Variants in GALNTL6 observed in about 807,000 individuals in gnomAD.
GALNTL6 encodes the protein polypeptide N-acetylgalactosaminyltransferase-like 6.
A neutral mutation model predicts 73.7 loss-of-function variants in GALNTL6; 46 were observed. The ratio of observed to expected loss-of-function variants is 0.62; its 90% confidence interval spans 0.49 to 0.80. The LOEUF is 0.80. Ranked by LOEUF, GALNTL6 falls within the 30% of genes least tolerant of loss-of-function variation. The pLI is 0.00. For synonymous variants in GALNTL6, 259 were observed against 263.7 expected, an observed-to-expected ratio of 0.98 and a Z score of 0.17; for missense variants, 604 against 755.0, an observed-to-expected ratio of 0.80 and a Z score of 2.34.
At chr4:172,780,235 T>C (rs1202548799) in intron 5 of GALNTL6, among the ~76,000 whole-genome samples, 2 of 152,196 alleles carry the variant, frequency 1.3e-5, no homozygotes, top group East Asian at 1.9e-4. Context: ...TATTCATTCT[T>C]AGAGGTTGTC....
intron 5 of GALNTL6, among the ~76,000 whole-genome samples, chr4:172,665,088 G>C (rs1157807206): frequency 6.6e-6 from 1 of 152,090 alleles, no homozygotes; most frequent in Admixed American, 6.5e-5. Flanking sequence ...CACCAACTAA[G>C]CTCTCATCCC....
chr4:172,185,655 T>C (rs2110865831), intron 2 of GALNTL6, among the ~76,000 whole-genome samples: 1 of 152,330 alleles, frequency 6.6e-6, no homozygotes, highest in South Asian at 2.1e-4. Context: ...GCCTTTTTAG[T>C]AAATATTAAA....
Position 172,871,943 on chromosome 4 carries a change from G to A in GALNTL6, c.924-10847G>A, listed in dbSNP as rs1039476365. ...CGATTAGCTGGGATTACAGGCATGC[G>A]CCACCATGCCCGGCTAATATTGTAT... On this transcript the variant is annotated intron_variant, in intron 7 of 12. Transcript: ENST00000506823. Among the ~76,000 whole-genome samples the A allele has an allele frequency of 4.6e-5, 7 of 151,966 alleles. No individual in the cohort carries two copies. The East Asian group carries it at 1.2e-3, about 25-fold the overall frequency.
intron 5 of GALNTL6, among the ~76,000 whole-genome samples, chr4:172,375,248 C>T (rs552744960): frequency 1.4e-4 from 21 of 152,156 alleles, no homozygotes; most frequent in Non-Finnish European, 2.4e-4. Context: ...CTCTATTTGC[C>T]TTCCCTCTTA....
chr4:172,193,724 G>A (rs533065731), intron 2 of GALNTL6, among the ~76,000 whole-genome samples: 47 of 152,188 alleles, frequency 3.1e-4, no homozygotes, highest in South Asian at 2.1e-4. Context: ...TTAGCTGGGC[G>A]TGGTGGCAGG....
chr4:172,239,169 A>G (rs770349384), intron 3 of GALNTL6, among the ~76,000 whole-genome samples: 14 of 152,164 alleles, frequency 9.2e-5, no homozygotes, highest in African/African-American at 2.7e-4. Context: ...AGTTTTAGTA[A>G]GAATGGTACC....
At chr4:172,090,144 G>A (rs552375333) in intron 2 of GALNTL6, among the ~76,000 whole-genome samples, 10 of 152,094 alleles carry the variant, frequency 6.6e-5, no homozygotes, top group South Asian at 2.1e-4. Flanking sequence ...TATTGTGAAC[G>A]GTGCCACAAT....
chr4:172,974,823 C>T (rs1750734679), intron 10 of GALNTL6, among the ~76,000 whole-genome samples: 1 of 152,224 alleles, frequency 6.6e-6, no homozygotes. Context: ...CAGCTCCAGG[C>T]ACCGGCACGG....
chr4:172,338,530 T>C (rs1741428412), intron 4 of GALNTL6, among the ~76,000 whole-genome samples: 1 of 152,116 alleles, frequency 6.6e-6, no homozygotes, highest in Non-Finnish European at 1.5e-5. Context: ...GTCTTTTGGC[T>C]TTGTTTCTTC....
chr4:172,250,610 C>T (rs937782839), intron 3 of GALNTL6, among the ~76,000 whole-genome samples: 4 of 152,130 alleles, frequency 2.6e-5, no homozygotes, highest in African/African-American at 9.7e-5. Flanking sequence ...AGTTGTCATT[C>T]TTCTCTCTCC....
chr4:172,401,085 A>G (rs1173119793), intron 5 of GALNTL6, among the ~76,000 whole-genome samples: 2 of 152,088 alleles, frequency 1.3e-5, no homozygotes, highest in Non-Finnish European at 2.9e-5. Flanking sequence ...TGCTCGGGTA[A>G]TTCTCTTCTC....
rs538338026 is a variant in GALNTL6 at position 171,900,247 on chromosome 4, T to C, written c.138+85529T>C. ...ATCAATTTTTTCATGAATACACAAT[T>C]CACGCTAAAACTTTCACATATTTGA... On this transcript the variant is annotated intron_variant, in intron 2 of 12. Transcript: ENST00000506823. Among the ~76,000 whole-genome samples, 124 of 152,278 alleles carry C rather than the reference T, an allele frequency of 8.1e-4. No individual in the cohort carries two copies. The Middle Eastern group carries it at 0.014, about 17-fold the overall frequency.
chr4:172,618,651 T>A (rs146995009), intron 5 of GALNTL6, among the ~76,000 whole-genome samples: 2,771 of 152,290 alleles, frequency 0.018, 39 homozygotes, highest in Non-Finnish European at 0.03. Context: ...ATTGTTTTTT[T>A]AAAAAATTCT....
chr4:171,980,107 AAAT>A (rs1362730986), intron 2 of GALNTL6, among the ~76,000 whole-genome samples: 2 of 152,334 alleles, frequency 1.3e-5, no homozygotes, highest in East Asian at 1.9e-4. Flanking sequence ...CAAATGCATA[AAAT>A]AATAATAATA....
At chr4:172,654,104 G>T (rs1427428126) in intron 5 of GALNTL6, among the ~76,000 whole-genome samples, 5 of 152,072 alleles carry the variant, frequency 3.3e-5, no homozygotes, top group African/African-American at 1.2e-4. Flanking sequence ...AGCCATTTTC[G>T]TTGGAAATAT....
intron 5 of GALNTL6, among the ~76,000 whole-genome samples, chr4:172,377,944 A>G (rs1276547619): frequency 6.7e-6 from 1 of 149,424 alleles, no homozygotes; most frequent in African/African-American, 2.5e-5. Context: ...CCACAAGCAG[A>G]GGGAGCTGGC....
intron 2 of GALNTL6, among the ~76,000 whole-genome samples, chr4:172,079,111 A>G (rs187335560): frequency 2.0e-4 from 31 of 152,232 alleles, no homozygotes; most frequent in African/African-American, 6.7e-4. Flanking sequence ...GTCCATATCT[A>G]TATCACTAAC....
At chr4:172,586,133 A>G (rs983177845) in intron 5 of GALNTL6, among the ~76,000 whole-genome samples, 2 of 152,200 alleles carry the variant, frequency 1.3e-5, no homozygotes, top group African/African-American at 4.8e-5. Flanking sequence ...CAGAAATACT[A>G]TTTGACCCAG....
At chr4:171,927,628 C>T (rs138450810) in intron 2 of GALNTL6, among the ~76,000 whole-genome samples, 3 of 152,068 alleles carry the variant, frequency 2.0e-5, no homozygotes, top group African/African-American at 7.2e-5. Context: ...TCCTACCACT[C>T]TCTGTTTTGT....
Sources: allele counts gnomAD v4.1 joint callset (sites outside exome capture counted in the v4.1 genomes callset), GRCh38; gene constraint gnomAD v4.1.1; transcripts MANE v1.5; gene names NCBI Gene and HGNC (gene_info 2026-07-23, HGNC 2026-07-21).